The following OARD1 variants were observed in gnomAD, a reference collection of about 807,000 sequenced individuals.
OARD1 encodes ADP-ribose glycohydrolase OARD1.
In OARD1, 19 loss-of-function variants were observed where a neutral mutation model predicts 19.7. The ratio of observed to expected loss-of-function variants is 0.96; its 90% CI spans 0.67 to 1.41. The LOEUF is 1.41. OARD1 is among the 40% of genes most tolerant of loss of function. OARD1 has a pLI of 0.00. For missense variants in OARD1, 190 were observed against 183.8 expected (o/e 1.03, Z -0.20); for synonymous variants, 70 against 61.8 (o/e 1.13, Z -0.62).
At chr6:41,087,402 G>C (rs977209444) in intron 1 of OARD1, among the ~76,000 whole-genome samples, 3 of 152,050 alleles carry the variant, frequency 2.0e-5, no homozygotes, top group Admixed American at 1.3e-4. Context: ...GGTAGACTTT[G>C]TGATAACTTA....
chr6:41,080,706 C>T (rs1157972903), intron 1 of OARD1: 5 of 874,248 alleles, frequency 5.7e-6, no homozygotes, highest in Non-Finnish European at 9.3e-6. Flanking sequence ...TTTTGAAAGT[C>T]CTTCAGGCTT....
At chr6:41,073,467 C>T (rs1431165794), upstream of OARD1, among the ~76,000 whole-genome samples, 2 of 152,030 alleles carry the variant, frequency 1.3e-5, no homozygotes, top group Admixed American at 1.3e-4. Context: ...TGGGCCTCGG[C>T]GATTTCCTCC....
intron 1 of OARD1, among the ~76,000 whole-genome samples, chr6:41,088,390 T>C (rs1582031181): frequency 8.1e-6 from 1 of 123,018 alleles, no homozygotes; most frequent in African/African-American, 3.3e-5. Context: ...ACCACTGCAC[T>C]CCAGCCTGAG....
At chr6:41,087,933 GC>G (rs1167930254) in intron 1 of OARD1, among the ~76,000 whole-genome samples, 1 of 151,978 alleles carries the variant, frequency 6.6e-6, no homozygotes, top group Non-Finnish European at 1.5e-5. Flanking sequence ...TTCCATAATT[GC>G]TTTATAAGGT....
chr6:41,097,143 C>T (rs1764380730), intron 1 of OARD1, among the ~76,000 whole-genome samples: 1 of 152,134 alleles, frequency 6.6e-6, no homozygotes, highest in Admixed American at 6.5e-5. Context: ...GAGTGCAGGC[C>T]AGACTTTAAA....
At chr6:41,073,491 C>T (rs116699952), upstream of OARD1, among the ~76,000 whole-genome samples, 1,223 of 152,124 alleles carry the variant, frequency 8.0e-3, 17 homozygotes, top group African/African-American at 0.027. Flanking sequence ...TCGTTCTGGC[C>T]GCAAACTTAA....
At chr6:41,068,781 G>T (rs2114049598) in intron 5 of OARD1, 60 bp downstream of exon 5, 3 of 943,866 alleles carry the variant, frequency 3.2e-6, no homozygotes, top group Non-Finnish European at 3.2e-6. Flanking sequence ...TTGTCTTTGG[G>T]TAAGATAGTA....
intron 1 of OARD1, chr6:41,079,057 C>T: frequency 1.3e-5 from 21 of 1,607,456 alleles, no homozygotes; most frequent in Non-Finnish European, 1.7e-5. Flanking sequence ...TCTAGGATCT[C>T]CAGAGTGGAC....
chr6:41,083,713 G>A (rs1197237486), intron 1 of OARD1, among the ~76,000 whole-genome samples: 3 of 152,122 alleles, frequency 2.0e-5, no homozygotes, highest in Non-Finnish European at 1.5e-5. Context: ...TTCCTGGATT[G>A]GTTTAAACAG....
At chr6:41,073,238 C>T (rs968475786), upstream of OARD1, among the ~76,000 whole-genome samples, 8 of 151,624 alleles carry the variant, frequency 5.3e-5, no homozygotes, top group Non-Finnish European at 8.8e-5. Context: ...GGCCCCGGCC[C>T]GGGGCCTGCG....
chr6:41,088,423 CA>C (rs34590854), intron 1 of OARD1, among the ~76,000 whole-genome samples: 4,100 of 64,712 alleles, frequency 0.063, 43 homozygotes, highest in Middle Eastern at 0.087. Context: ...ACTCCGTCTC[CA>C]AAAAAAAAAA....
At chr6:41,071,715 C>T (rs1763411401) in intron 1 of OARD1, 40 bp from the exon 2 acceptor site, 2 of 1,168,014 alleles carry the variant, frequency 1.7e-6, no homozygotes, top group Non-Finnish European at 2.6e-6. Context: ...CTTAGGCAGC[C>T]TTAGTATATA....
At chr6:41,070,281 CACAA>C in intron 3 of OARD1, 147 bp from the exon 4 acceptor site, 1 of 611,528 alleles carries the variant, frequency 1.6e-6, no homozygotes, top group Non-Finnish European at 2.9e-6. Context: ...TATTGTCTCC[CACAA>C]ACACTTTGCT....
chr6:41,080,865 G>A (rs775882054), intron 1 of OARD1: 10 of 1,613,872 alleles, frequency 6.2e-6, no homozygotes, highest in East Asian at 4.5e-5. Context: ...GGTGGCATCC[G>A]CCTCAGGCCA....
At chr6:41,077,064 A>G (rs1010230711), upstream of OARD1, among the ~76,000 whole-genome samples, 4 of 152,168 alleles carry the variant, frequency 2.6e-5, no homozygotes, top group African/African-American at 4.8e-5. Flanking sequence ...TACGTTACAT[A>G]TATTAGTCAT....
At chr6:41,076,132 T>C (rs1027638326), upstream of OARD1, among the ~76,000 whole-genome samples, 1 of 152,106 alleles carries the variant, frequency 6.6e-6, no homozygotes, top group African/African-American at 2.4e-5. Context: ...CTGCCAGGCA[T>C]GATGATGGCT....
upstream of OARD1, among the ~76,000 whole-genome samples, chr6:41,077,450 A>C (rs1763771118): frequency 6.6e-6 from 1 of 152,108 alleles, no homozygotes; most frequent in South Asian, 2.1e-4. Flanking sequence ...CTGTCTCTAG[A>C]TTACTGATGT....
chr6:41,091,085 C>T (rs1183122661), intron 1 of OARD1, among the ~76,000 whole-genome samples: 1 of 152,210 alleles, frequency 6.6e-6, no homozygotes, highest in East Asian at 1.9e-4. Context: ...TATTGATAGT[C>T]TGGGGACTTG....
upstream of OARD1, among the ~76,000 whole-genome samples, chr6:41,073,261 C>T (rs1243353065): frequency 6.6e-6 from 1 of 151,440 alleles, no homozygotes; most frequent in Non-Finnish European, 1.5e-5. Flanking sequence ...CGCCTCGGGG[C>T]ACTCCCGGCC....
Sources: allele counts gnomAD v4.1 joint callset (sites outside exome capture counted in the v4.1 genomes callset), GRCh38; gene constraint gnomAD v4.1.1; transcripts MANE v1.5; gene names NCBI Gene and HGNC (gene_info 2026-07-23, HGNC 2026-07-21).